The following ADCY10 variants were observed in gnomAD, a reference collection of about 807,000 sequenced individuals.
ADCY10 encodes adenylate cyclase type 10.
ADCY10 carries 156 observed loss-of-function variants against 183.3 expected under a neutral mutation model. The observed-to-expected ratio is 0.85, with a 90% CI of 0.75 to 0.97. The LOEUF (loss-of-function observed/expected upper bound fraction) is 0.97, where lower values mean the gene tolerates loss of function less well. Among genes scored for constraint, ADCY10 ranks in the 50% least tolerant of loss-of-function variants. The pLI is 0.00. For missense variants in ADCY10, 1,745 were observed against 1,934.3 expected (o/e 0.90, Z 1.84); for synonymous variants, 645 against 670.0 (o/e 0.96, Z 0.58).
chr1:167,848,250 C>T, intron 19 of ADCY10, 111 bp downstream of exon 19: 1 of 826,366 alleles, frequency 1.2e-6, no homozygotes, highest in Non-Finnish European at 2.0e-6. Context: ...GGGGTTTCAC[C>T]ATATTGGCCA....
At chr1:167,835,319 T>C (rs1192630351) in intron 23 of ADCY10, among the ~76,000 whole-genome samples, 2 of 152,208 alleles carry the variant, frequency 1.3e-5, no homozygotes, top group Non-Finnish European at 2.9e-5. Flanking sequence ...TTTATATATA[T>C]ATCTCAGCAT....
intron 29 of ADCY10, 22 bp downstream of exon 29, chr1:167,822,986 T>A: frequency 2.5e-6 from 4 of 1,608,240 alleles, no homozygotes; most frequent in Non-Finnish European, 3.4e-6. Context: ...CAAGTTCTTT[T>A]ACATCCCAAA....
chr1:167,901,549 A>G (rs1278070058), intron 5 of ADCY10, 113 bp downstream of exon 5: 5 of 1,104,226 alleles, frequency 4.5e-6, no homozygotes, highest in East Asian at 2.3e-5. Flanking sequence ...AGTTCAGGGC[A>G]TCATGGGGCT....
chr1:167,895,710 G>C (rs529634674), intron 7 of ADCY10, among the ~76,000 whole-genome samples: 1 of 152,158 alleles, frequency 6.6e-6, no homozygotes, highest in Non-Finnish European at 1.5e-5. Context: ...TCTGAGACTC[G>C]GGTGATGTAA....
rs1662088635 is a variant in ADCY10, at chr1:167,809,797, G to T, written c.4714C>A (p.Leu1572Ile). The T allele has an allele frequency of 6.2e-7, 1 of 1,614,004 alleles. No homozygotes were observed. ...STSELKEDQW[L>I]QTILSLPSWE... is the part of the protein sequence containing the mutation. ...GATGGGAGACTCAAGATCGTCTGAA[G>T]CCATTGGTCTTCTTTTAACTCAGAG... Residue 1572 changes from leucine to isoleucine, a missense_variant, in exon 33 of 33, where the codon CTT becomes ATT. Coordinates refer to ENST00000367851, the MANE Select transcript of ADCY10 (RefSeq NM_018417.6).
At chr1:167,889,619 C>G (rs1412973503) in intron 8 of ADCY10, among the ~76,000 whole-genome samples, 6 of 152,134 alleles carry the variant, frequency 3.9e-5, no homozygotes, top group Admixed American at 2.6e-4. Context: ...CCCTCCTCTT[C>G]TATGTTTCAG....
At chr1:167,859,145 C>A (rs913788202) in intron 16 of ADCY10, among the ~76,000 whole-genome samples, 12 of 152,196 alleles carry the variant, frequency 7.9e-5, no homozygotes, top group African/African-American at 2.9e-4. Context: ...ACACTCAACT[C>A]AGCGTGAGTC....
At chr1:167,904,886 C>T (rs1403282109) in intron 2 of ADCY10, 107 bp downstream of exon 2, 4 of 1,473,796 alleles carry the variant, frequency 2.7e-6, no homozygotes, top group South Asian at 1.1e-5. Context: ...TGTGACAGCC[C>T]AAGGGCTCCA....
chr1:167,837,945 TA>T (rs923458712), intron 21 of ADCY10, among the ~76,000 whole-genome samples: 7 of 152,216 alleles, frequency 4.6e-5, no homozygotes, highest in African/African-American at 1.4e-4. Flanking sequence ...ATAATGATCT[TA>T]AAACAGAAAA....
At position 167,870,378 on chromosome 1, in the gene ADCY10, T is replaced by C; in HGVS notation, c.1495A>G (p.Thr499Ala). 6.2e-7 allele frequency: 1 copy of C among 1,611,098 alleles called. No homozygotes were observed. The highest frequency in any genetic ancestry group is 8.5e-7 in the Non-Finnish European group (1 of 1,177,322). The change falls in exon 14 of 33, where the codon ACT (threonine) becomes GCT (alanine). Residue 499 changes from threonine to alanine, a missense_variant. By Grantham distance (58) the Thr-to-Ala change is moderately conservative. Coordinates refer to ENST00000367851, the MANE Select transcript of ADCY10 (RefSeq NM_018417.6). ...RNKEINYFMY[T>A]MKKFLISNSS... ...TTAGATATCAAAAATTTCTTCATAG[T>C]ATACATGAAGTAGTTGATCTCTTTA... is the stretch of plus-strand genomic sequence containing the variant.
intron 3 of ADCY10, among the ~76,000 whole-genome samples, chr1:167,902,828 C>CAGTTCACT (rs1374728972): frequency 7.2e-5 from 11 of 152,216 alleles, no homozygotes; most frequent in Admixed American, 7.2e-4. Context: ...CTAAAGTTTT[C>CAGTTCACT]AGTTCACTCT....
At chr1:167,811,690 G>A (rs1394233743) in intron 31 of ADCY10, among the ~76,000 whole-genome samples, 3 of 152,178 alleles carry the variant, frequency 2.0e-5, no homozygotes, top group Admixed American at 6.5e-5. Flanking sequence ...CCCTAAGACT[G>A]GAGAGACAAA....
In ADCY10 at chr1:167,836,364, A is replaced by G. The variant is rs2101917960; in HGVS notation, c.3254T>C (p.Leu1085Ser). ...AGATGCAATTTCTAAGAAGTAATAT[A>G]AGGCTTTGTCATTTTCTCCCAAAGC... Reference protein sequence around the residue: ...FLALGENDKALYYFLEIASAY... With the variant: ...FLALGENDKASYYFLEIASAY... Residue 1085 changes from leucine (L) to serine (S), a missense_variant, in exon 23 of 33, where the codon TTA becomes TCA. By Grantham distance (145) the Leu-to-Ser change is moderately radical. Coordinates refer to ENST00000367851, the MANE Select transcript of ADCY10 (RefSeq NM_018417.6). 6.2e-7 allele frequency: 1 copy of G among 1,614,160 alleles called. No individual in the cohort carries two copies. Among genetic ancestry groups the G allele is most frequent in the Middle Eastern group, 1.6e-4 (1 of 6,062 alleles).
intron 25 of ADCY10, among the ~76,000 whole-genome samples, chr1:167,830,470 C>G (rs912454003): frequency 2.6e-5 from 4 of 152,006 alleles, no homozygotes; most frequent in African/African-American, 9.7e-5. Flanking sequence ...CAGCTCACTG[C>G]AACCTCTGCT....
chr1:167,835,469 C>T (rs920068260), intron 23 of ADCY10, among the ~76,000 whole-genome samples: 1 of 152,214 alleles, frequency 6.6e-6, no homozygotes. Flanking sequence ...TGCCCTGGAA[C>T]CTTATTTATA....
chr1:167,900,383 C>T lies in ADCY10; in HGVS notation c.437-755G>A, dbSNP rs139115790. The stretch of plus-strand genomic sequence containing the variant: ...TCTAAAAAAAGGTGCTGGGACCCAC[C>T]TCACTAACAGCCAATCAGCATGCAA... On this transcript the variant is annotated intron_variant, in intron 5 of 32. Transcript: ENST00000367851. Among the ~76,000 whole-genome samples the T allele has an allele frequency of 1.9e-3, 287 of 152,276 alleles. 2 individuals carry two copies. The highest frequency in any genetic ancestry group is 6.5e-3 in the African/African-American group (268 of 41,548).
In ADCY10 at chr1:167,856,260, G is replaced by A. The variant is rs1457124715; in HGVS notation, c.2076C>T (p.Thr692=). ...GTACTGCACCAATGACAATGTAGGT[G>A]GTGTTCCTGTTCTTTATTACGGCCC... is the stretch of plus-strand genomic sequence containing the variant. The part of the protein sequence containing the change: ...AARAVIKNRN[T]TYIVIGAVQP... Residue 692 remains threonine (T), a synonymous_variant, in exon 17 of 33, where the codon ACC becomes ACT. Coordinates refer to ENST00000367851, the MANE Select transcript of ADCY10 (RefSeq NM_018417.6). 1.2e-6 allele frequency: 2 copies of A among 1,613,824 alleles called. No individual in the cohort carries two copies. The highest frequency in any genetic ancestry group is 1.7e-6 in the Non-Finnish European group (2 of 1,179,892).
At chr1:167,872,539 C>T (rs1018492579) in intron 13 of ADCY10, among the ~76,000 whole-genome samples, 1 of 151,696 alleles carries the variant, frequency 6.6e-6, no homozygotes, top group African/African-American at 2.4e-5. Context: ...GCCTCAATAT[C>T]GGGGACTGTT....
chr1:167,886,209 T>C (rs1668212204), intron 8 of ADCY10, among the ~76,000 whole-genome samples: 1 of 152,138 alleles, frequency 6.6e-6, no homozygotes, highest in Non-Finnish European at 1.5e-5. Context: ...TTAAAGTTCA[T>C]ATGGAACCAA....
Sources: allele counts gnomAD v4.1 joint callset (sites outside exome capture counted in the v4.1 genomes callset), GRCh38; gene constraint gnomAD v4.1.1; transcripts MANE v1.5; gene names NCBI Gene and HGNC (gene_info 2026-07-23, HGNC 2026-07-21).